ST3GAL6: variants seen among roughly 807,000 people sequenced by gnomAD.
The protein encoded by ST3GAL6 is type 2 lactosamine alpha-2,3-sialyltransferase.
In ST3GAL6, 31 loss-of-function variants were observed where a neutral mutation model predicts 40.5. That is an observed-to-expected ratio of 0.77 (90% CI 0.58 to 1.03). The LOEUF (loss-of-function observed/expected upper bound fraction) is 1.03. Among genes scored for constraint, ST3GAL6 ranks in the 50% least tolerant of loss-of-function variants. ST3GAL6 has a pLI of 0.00. For synonymous variants in ST3GAL6, 129 were observed against 136.9 expected, an observed-to-expected ratio of 0.94 and a Z score of 0.40; for missense variants, 357 against 393.2, an observed-to-expected ratio of 0.91 and a Z score of 0.78.
At chr3:98,741,343 G>A (rs966285250) in intron 1 of ST3GAL6, among the ~76,000 whole-genome samples, 2 of 152,026 alleles carry the variant, frequency 1.3e-5, no homozygotes, top group African/African-American at 4.8e-5. Context: ...GAGATAGAAA[G>A]GGAAGTCCTC....
chr3:98,754,211 C>T (rs949656757), intron 1 of ST3GAL6, among the ~76,000 whole-genome samples: 6 of 152,056 alleles, frequency 3.9e-5, no homozygotes, highest in African/African-American at 1.4e-4. Flanking sequence ...CCATTAAGAA[C>T]GTTTGTGATT....
At chr3:98,742,613 G>A (rs1008823006) in intron 1 of ST3GAL6, among the ~76,000 whole-genome samples, 1 of 152,028 alleles carries the variant, frequency 6.6e-6, no homozygotes, top group South Asian at 2.1e-4. Context: ...TATCACTCAT[G>A]GATTTGCCTA....
chr3:98,783,603 T>G, intron 5 of ST3GAL6: 1 of 985,064 alleles, frequency 1.0e-6, no homozygotes, highest in Non-Finnish European at 1.2e-6. Flanking sequence ...AAAGAAAATT[T>G]AAATGAACAA....
chr3:98,766,845 G>A (rs182132793), intron 1 of ST3GAL6, among the ~76,000 whole-genome samples: 155 of 152,298 alleles, frequency 1.0e-3, no homozygotes, highest in Admixed American at 5.2e-3. Context: ...GAGGTAGATG[G>A]TGTGTTCTCA....
chr3:98,749,919 A>G (rs983451499), intron 1 of ST3GAL6, among the ~76,000 whole-genome samples: 1 of 152,240 alleles, frequency 6.6e-6, no homozygotes, highest in African/African-American at 2.4e-5. Context: ...AGTACCTTCA[A>G]AGCTTTTAAG....
intron 1 of ST3GAL6, among the ~76,000 whole-genome samples, chr3:98,749,719 C>G (rs771666698): frequency 1.2e-4 from 18 of 152,122 alleles, no homozygotes; most frequent in Non-Finnish European, 2.2e-4. Context: ...GAAACTTGTT[C>G]CCCCTTAGTT....
At chr3:98,762,816 A>T (rs1242954884), upstream of ST3GAL6, 2 of 985,320 alleles carry the variant, frequency 2.0e-6, no homozygotes, top group African/African-American at 3.5e-5. Flanking sequence ...TGCTCTGGGT[A>T]TTAAACATAT....
chr3:98,757,200 G>C (rs544834810), intron 1 of ST3GAL6, among the ~76,000 whole-genome samples: 20 of 152,342 alleles, frequency 1.3e-4, no homozygotes, highest in Admixed American at 9.8e-4. Flanking sequence ...AGGTTCATCA[G>C]AGAATGATTA....
chr3:98,747,628 G>A (rs372362027), intron 1 of ST3GAL6, among the ~76,000 whole-genome samples: 3 of 152,188 alleles, frequency 2.0e-5, no homozygotes, highest in African/African-American at 7.2e-5. Flanking sequence ...GTACAAATTT[G>A]TGATGTATTT....
intron 3 of ST3GAL6, among the ~76,000 whole-genome samples, 184 bp from the exon 4 acceptor site, chr3:98,772,629 C>G (rs1939111789): frequency 6.6e-6 from 1 of 150,608 alleles, no homozygotes; most frequent in Non-Finnish European, 1.5e-5. Context: ...CATTAAGTAC[C>G]CCATTCTATG....
chr3:98,782,863 C>A, intron 5 of ST3GAL6: 1 of 472,902 alleles, frequency 2.1e-6, no homozygotes, highest in South Asian at 1.7e-5. Flanking sequence ...TGCAGGAAAT[C>A]CTGGAGTCTG....
intron 6 of ST3GAL6, 79 bp from the exon 7 acceptor site, chr3:98,787,957 C>A: frequency 7.4e-7 from 1 of 1,343,228 alleles, no homozygotes; most frequent in Non-Finnish European, 1.0e-6. Context: ...TTGTCCAACT[C>A]TGAAACCTCT....
chr3:98,786,857 A>G (rs1940766728), intron 6 of ST3GAL6, among the ~76,000 whole-genome samples: 1 of 151,990 alleles, frequency 6.6e-6, no homozygotes, highest in South Asian at 2.1e-4. Flanking sequence ...TGTGGTTACA[A>G]CTACCAAGAG....
chr3:98,757,765 A>C (rs867758652), intron 1 of ST3GAL6, among the ~76,000 whole-genome samples: 1 of 152,206 alleles, frequency 6.6e-6, no homozygotes, highest in Non-Finnish European at 1.5e-5. Context: ...TTTGAGGATT[A>C]AAATAAGTCT....
intron 7 of ST3GAL6, 28 bp from the exon 8 acceptor site, chr3:98,788,297 GT>G: frequency 6.2e-7 from 1 of 1,600,386 alleles, no homozygotes; most frequent in South Asian, 1.1e-5. Context: ...CAGCCACACT[GT>G]TCTATTCTCT....
chr3:98,762,817 T>C, upstream of ST3GAL6: 2 of 985,440 alleles, frequency 2.0e-6, no homozygotes, highest in Non-Finnish European at 2.4e-6. Context: ...GCTCTGGGTA[T>C]TAAACATATC....
At position 98,749,939 on chromosome 3, in the gene ST3GAL6, T is replaced by C. The variant is rs558472784; in HGVS notation, c.-12+17407T>C. On this transcript the variant is annotated intron_variant, in intron 1 of 9. Transcript: ENST00000265261. ...CTTCAAAGCTTTTAAGAAATTCTTATAGTTTGTATAGGTGGTTGGGAGGTG... is the reference window on the plus strand; with the variant it reads ...CTTCAAAGCTTTTAAGAAATTCTTACAGTTTGTATAGGTGGTTGGGAGGTG... Among the ~76,000 whole-genome samples the C allele has an allele frequency of 5.3e-5, 8 of 152,304 alleles. No individual in the cohort carries two copies. The South Asian group carries it at 1.2e-3, about 24-fold the overall frequency.
chr3:98,741,083 T>TGTGTGTGTGTGTGA (rs374127164), intron 1 of ST3GAL6, among the ~76,000 whole-genome samples: 5,157 of 150,298 alleles, frequency 0.034, 200 homozygotes, highest in East Asian at 0.14. Context: ...TGTGTGTGTG[T>TGTGTGTGTGTGTGA]GCATGCATGT....
chr3:98,735,334 T>G (rs189173589), intron 1 of ST3GAL6, among the ~76,000 whole-genome samples: 3 of 152,332 alleles, frequency 2.0e-5, no homozygotes, highest in African/African-American at 7.2e-5. Context: ...GCCTGGCATA[T>G]CCTCCATTTA....
Sources: gnomAD v4.1 joint callset for allele counts (sites outside exome capture counted in the v4.1 genomes callset) on GRCh38, gnomAD v4.1.1 for gene constraint, MANE v1.5 for transcripts, NCBI Gene and HGNC (gene_info 2026-07-23, HGNC 2026-07-21) for gene names.